The following EPSTI1 variants were observed in gnomAD, a reference collection of about 807,000 sequenced individuals.
The protein encoded by EPSTI1 is epithelial-stromal interaction protein 1.
A neutral mutation model predicts 49.9 loss-of-function variants in EPSTI1; 66 were observed. That is an observed-to-expected ratio of 1.32 (90% CI 1.08 to 1.62). The LOEUF (loss-of-function observed/expected upper bound fraction) is 1.62. Among genes scored for constraint, EPSTI1 ranks in the 40% most tolerant of loss-of-function variants. The probability of loss-of-function intolerance (pLI) is 0.00; values close to 1 mark genes in which losing one functional copy is unlikely to be tolerated. For missense variants in EPSTI1, 394 were observed against 365.5 expected, an observed-to-expected ratio of 1.08 and a Z score of -0.64; for synonymous variants, 137 against 130.7, an observed-to-expected ratio of 1.05 and a Z score of -0.33.
intron 7 of EPSTI1, among the ~76,000 whole-genome samples, chr13:42,917,831 C>G (rs920533724): frequency 6.6e-6 from 1 of 152,120 alleles, no homozygotes; most frequent in African/African-American, 2.4e-5. Flanking sequence ...AAAAAGAAAA[C>G]TAGTGTAAGC....
chr13:42,956,264 G>T (rs972183920), intron 5 of EPSTI1, among the ~76,000 whole-genome samples: 7 of 152,166 alleles, frequency 4.6e-5, no homozygotes, highest in African/African-American at 1.7e-4. Flanking sequence ...TCTAACTTTG[G>T]GTAAGCTGCA....
chr13:42,934,053 A>T (rs1444513668), intron 6 of EPSTI1: 1 of 202,560 alleles, frequency 4.9e-6, no homozygotes, highest in Non-Finnish European at 1.1e-5. Context: ...ACATGAAACC[A>T]TACCTTCATT....
At chr13:42,931,898 T>G (rs551623571) in intron 6 of EPSTI1, among the ~76,000 whole-genome samples, 1 of 152,328 alleles carries the variant, frequency 6.6e-6, no homozygotes, top group Admixed American at 6.5e-5. Flanking sequence ...TAAATATTTT[T>G]TCTAAGATAT....
chr13:42,921,149 T>G (rs575444037), intron 7 of EPSTI1, among the ~76,000 whole-genome samples: 30 of 152,198 alleles, frequency 2.0e-4, no homozygotes, highest in African/African-American at 7.0e-4. Context: ...TAGAGATGAA[T>G]TTCCAGACCG....
intron 10 of EPSTI1, among the ~76,000 whole-genome samples, chr13:42,890,492 G>T (rs1246834865): frequency 6.6e-6 from 1 of 151,908 alleles, no homozygotes; most frequent in Non-Finnish European, 1.5e-5. Context: ...TAGAGACGGG[G>T]TTTCATCTTG....
intron 6 of EPSTI1, among the ~76,000 whole-genome samples, chr13:42,929,147 G>A (rs764647736): frequency 2.2e-4 from 33 of 152,190 alleles, no homozygotes; most frequent in Admixed American, 3.3e-4. Context: ...TGATGCTCAC[G>A]TCTAAATCTC....
chr13:42,942,005 CAA>C (rs1048186517), intron 6 of EPSTI1, among the ~76,000 whole-genome samples: 2 of 152,078 alleles, frequency 1.3e-5, no homozygotes, highest in Non-Finnish European at 2.9e-5. Flanking sequence ...ATATTAGAGA[CAA>C]ATAGTTTTTG....
intron 10 of EPSTI1, among the ~76,000 whole-genome samples, chr13:42,891,396 G>A (rs1253133282): frequency 6.6e-6 from 1 of 152,170 alleles, no homozygotes; most frequent in Non-Finnish European, 1.5e-5. Context: ...GATGTTGATA[G>A]TGTTTGTATC....
intron 7 of EPSTI1, among the ~76,000 whole-genome samples, chr13:42,918,745 G>T (rs1386286758): frequency 1.3e-5 from 2 of 152,218 alleles, no homozygotes; most frequent in African/African-American, 4.8e-5. Context: ...GCTGCATTGG[G>T]CAGGTAAACA....
At chr13:42,905,349 T>C (rs868351178) in intron 8 of EPSTI1, among the ~76,000 whole-genome samples, 13 of 152,214 alleles carry the variant, frequency 8.5e-5, no homozygotes, top group African/African-American at 3.1e-4. Context: ...TATTATCCTA[T>C]AACTAGCAAA....
At chr13:42,956,702 CTGGTAGTA>C (rs1311113580) in intron 5 of EPSTI1, among the ~76,000 whole-genome samples, 1 of 152,186 alleles carries the variant, frequency 6.6e-6, no homozygotes, top group East Asian at 1.9e-4. Context: ...CAACCATGGG[CTGGTAGTA>C]ACCCTGGACA....
rs1282152635 is a variant in EPSTI1, at chr13:42,992,107, G to C, written c.59C>G (p.Pro20Arg). Reference sequence around the variant, plus strand: ...AGAAGGGTCCTGGGGATCCCGGGTCGGGCGGGAGGCAGGGGAGGCGCCGAG... The same window carrying C: ...AGAAGGGTCCTGGGGATCCCGGGTCCGGCGGGAGGCAGGGGAGGCGCCGAG... The part of the protein sequence containing the change: ...SGLGASPASR[P>R]TRDPQDPSGR... The change falls in exon 1 of 11, where the codon CCG becomes CGG. Residue 20 changes from proline to arginine, a missense_variant. Coordinates refer to ENST00000313624, the MANE Select transcript of EPSTI1 (RefSeq NM_033255.5). The C allele has an allele frequency of 6.2e-7, 1 of 1,611,524 alleles. No homozygotes were observed. The highest frequency in any genetic ancestry group is 1.3e-5 in the African/African-American group (1 of 75,014).
At position 42,900,269 on chromosome 13, in the gene EPSTI1, T is replaced by C. The variant is rs748771561; in HGVS notation, c.815+41A>G. 4.5e-6 allele frequency: 7 copies of C among 1,555,558 alleles called. No homozygotes were observed. In the East Asian group the frequency reaches 1.3e-4, roughly 30 times the overall value. On this transcript the variant is annotated intron_variant, in intron 9 of 10. Coordinates refer to ENST00000313624, the MANE Select transcript of EPSTI1 (RefSeq NM_033255.5). ...AACACTGTACAAACTTTCTAGGTAA[T>C]TGATTTAACCAAGGATGCTTATTTT...
intron 1 of EPSTI1, among the ~76,000 whole-genome samples, chr13:42,978,390 TAATA>T (rs1436840641): frequency 6.6e-6 from 1 of 152,116 alleles, no homozygotes; most frequent in Non-Finnish European, 1.5e-5. Context: ...TTCCAGGTCA[TAATA>T]AATAAGAGAC....
At chr13:42,955,081 G>T (rs1418465494) in intron 5 of EPSTI1, among the ~76,000 whole-genome samples, 1 of 152,062 alleles carries the variant, frequency 6.6e-6, no homozygotes, top group East Asian at 1.9e-4. Flanking sequence ...AAAACTAAAG[G>T]AAATTTACTA....
chr13:42,956,051 C>G (rs2039260971), intron 5 of EPSTI1, among the ~76,000 whole-genome samples: 1 of 151,974 alleles, frequency 6.6e-6, no homozygotes, highest in Admixed American at 6.6e-5. Context: ...GTTGGGGACA[C>G]AGACAAAAAA....
In EPSTI1 at chr13:42,981,446, C is replaced by T. The variant is rs138712030; in HGVS notation, c.188+10532G>A. Among the ~76,000 whole-genome samples the T allele has an allele frequency of 4.4e-3, 666 of 152,154 alleles. 3 individuals carry two copies. Among genetic ancestry groups the T allele is most frequent in the Middle Eastern group, 0.027 (8 of 294 alleles). Reference sequence around the variant, plus strand: ...TCATCCTGTTGATTTATTGTTTCACCGTTCCAGCTGCCAAAGACTTTTTAG... The same window carrying T: ...TCATCCTGTTGATTTATTGTTTCACTGTTCCAGCTGCCAAAGACTTTTTAG... On this transcript the variant is annotated intron_variant, in intron 1 of 10. Coordinates refer to ENST00000313624, the MANE Select transcript of EPSTI1 (RefSeq NM_033255.5).
intron 8 of EPSTI1, among the ~76,000 whole-genome samples, chr13:42,915,742 G>A (rs1380135061): frequency 1.3e-5 from 2 of 152,004 alleles, no homozygotes; most frequent in Non-Finnish European, 2.9e-5. Flanking sequence ...TATGTAAAAG[G>A]ATATATAATA....
intron 5 of EPSTI1, 145 bp from the exon 6 acceptor site, chr13:42,954,166 A>C (rs2039189434): frequency 1.6e-6 from 1 of 616,160 alleles, no homozygotes. Flanking sequence ...CCAAGATGGT[A>C]CTCCCTGTCA....
Sources: allele counts gnomAD v4.1 joint callset (sites outside exome capture counted in the v4.1 genomes callset), GRCh38; gene constraint gnomAD v4.1.1; transcripts MANE v1.5; gene names NCBI Gene and HGNC (gene_info 2026-07-23, HGNC 2026-07-21).